CDH13: variants seen among roughly 807,000 people sequenced by gnomAD.
CDH13 encodes the protein cadherin-13.
Under a neutral mutation model 63.8 loss-of-function variants are expected in CDH13, and 24 were observed. The ratio of observed to expected loss-of-function variants is 0.38; its 90% CI spans 0.27 to 0.53. The LOEUF is 0.53. Ranked by LOEUF, CDH13 falls within the 20% of genes least tolerant of loss-of-function variation. The pLI is 0.85. For synonymous variants in CDH13, 503 were observed against 355.3 expected, an observed-to-expected ratio of 1.42 and a Z score of -4.67; for missense variants, 1,049 against 903.1, an observed-to-expected ratio of 1.16 and a Z score of -2.07.
chr16:83,196,229 C>G (rs1321563505), intron 4 of CDH13, among the ~76,000 whole-genome samples: 2 of 151,758 alleles, frequency 1.3e-5, no homozygotes, highest in Non-Finnish European at 2.9e-5. Context: ...GCGCTCCAGC[C>G]TGGGCAACAG....
intron 7 of CDH13, among the ~76,000 whole-genome samples, chr16:83,598,245 G>T (rs1025825560): frequency 2.0e-5 from 3 of 152,076 alleles, no homozygotes; most frequent in African/African-American, 7.2e-5. Context: ...TGTGATTATA[G>T]TCCCAGCTAC....
chr16:83,300,588 G>C (rs1476946437), intron 5 of CDH13, among the ~76,000 whole-genome samples: 3 of 152,222 alleles, frequency 2.0e-5, no homozygotes, highest in Non-Finnish European at 1.5e-5. Flanking sequence ...CACCATGCCA[G>C]GCAGGGTCTG....
At chr16:83,556,219 TA>T (rs1338084006) in intron 7 of CDH13, among the ~76,000 whole-genome samples, 1 of 152,250 alleles carries the variant, frequency 6.6e-6, no homozygotes, top group Non-Finnish European at 1.5e-5. Context: ...CTATCATTTT[TA>T]ATTATTGTTA....
intron 3 of CDH13, among the ~76,000 whole-genome samples, chr16:83,064,668 C>A (rs1179139854): frequency 2.0e-5 from 3 of 151,998 alleles, no homozygotes; most frequent in Non-Finnish European, 2.9e-5. Flanking sequence ...TTCAGACTAG[C>A]CAATTTCTTT....
intron 4 of CDH13, among the ~76,000 whole-genome samples, chr16:83,134,952 A>G (rs572666515): frequency 2.0e-5 from 3 of 152,310 alleles, no homozygotes; most frequent in African/African-American, 7.2e-5. Context: ...AAAGGTTCCT[A>G]GAACTTTATT....
intron 3 of CDH13, among the ~76,000 whole-genome samples, chr16:83,065,148 C>G (rs1295811514): frequency 6.6e-6 from 1 of 152,152 alleles, no homozygotes; most frequent in African/African-American, 2.4e-5. Flanking sequence ...CACTGGCCAC[C>G]TTTGTCTCCT....
At chr16:82,923,993 A>G (rs1485359034) in intron 2 of CDH13, among the ~76,000 whole-genome samples, 2 of 152,240 alleles carry the variant, frequency 1.3e-5, no homozygotes, top group Non-Finnish European at 2.9e-5. Context: ...ACATGTTTGT[A>G]ACAATTGGCT....
At chr16:82,794,035 G>C (rs996998473) in intron 1 of CDH13, among the ~76,000 whole-genome samples, 3 of 152,036 alleles carry the variant, frequency 2.0e-5, no homozygotes, top group African/African-American at 7.2e-5. Flanking sequence ...AGCAGAAAGG[G>C]AACTGGGGTA....
intron 3 of CDH13, among the ~76,000 whole-genome samples, chr16:83,078,217 C>T (rs2032988882): frequency 6.6e-6 from 1 of 152,154 alleles, no homozygotes; most frequent in Non-Finnish European, 1.5e-5. Context: ...CTGGATTTTC[C>T]TCCCTTAATT....
chr16:82,692,455 T>C (rs2150978619), intron 1 of CDH13, among the ~76,000 whole-genome samples: 1 of 152,266 alleles, frequency 6.6e-6, no homozygotes, highest in East Asian at 1.9e-4. Context: ...AGAGAGCATG[T>C]GTAGGGAAAC....
At chr16:82,665,035 C>T (rs929518704) in intron 1 of CDH13, among the ~76,000 whole-genome samples, 6 of 152,184 alleles carry the variant, frequency 3.9e-5, no homozygotes, top group Admixed American at 1.3e-4. Flanking sequence ...TGGTCACTTG[C>T]AGACATATAC....
chr16:83,008,335 G>A (rs988249144), intron 2 of CDH13, among the ~76,000 whole-genome samples: 1 of 152,200 alleles, frequency 6.6e-6, no homozygotes, highest in Non-Finnish European at 1.5e-5. Context: ...GATGCCAGAA[G>A]GAAGTTAGGA....
At chr16:83,522,166 C>G (rs1354013724) in intron 7 of CDH13, among the ~76,000 whole-genome samples, 2 of 152,204 alleles carry the variant, frequency 1.3e-5, no homozygotes, top group Non-Finnish European at 2.9e-5. Context: ...CTGGCTTGCG[C>G]TTTAATGTCA....
chr16:83,192,590 C>A (rs879450539), intron 4 of CDH13, among the ~76,000 whole-genome samples: 25 of 152,186 alleles, frequency 1.6e-4, no homozygotes, highest in Non-Finnish European at 3.5e-4. Context: ...CTAATAGGAT[C>A]TGAGTTTCCG....
chr16:83,686,972 G>A (rs1037870886), intron 10 of CDH13, among the ~76,000 whole-genome samples: 1 of 152,220 alleles, frequency 6.6e-6, no homozygotes, highest in Non-Finnish European at 1.5e-5. Context: ...CACTTCGGGA[G>A]GCCAAGGTGG....
At chr16:83,468,509 C>T (rs2073374242) in intron 6 of CDH13, among the ~76,000 whole-genome samples, 1 of 152,204 alleles carries the variant, frequency 6.6e-6, no homozygotes. Flanking sequence ...GTATTTGTTA[C>T]AGCATCCCCA....
chr16:82,693,795 A>G (rs1025667865), intron 1 of CDH13, among the ~76,000 whole-genome samples: 1 of 152,218 alleles, frequency 6.6e-6, no homozygotes, highest in Non-Finnish European at 1.5e-5. Flanking sequence ...TTTATTTTGC[A>G]TTATTGACCC....
chr16:82,786,300 A>G (rs1597576176), intron 1 of CDH13, among the ~76,000 whole-genome samples: 2 of 152,214 alleles, frequency 1.3e-5, no homozygotes, highest in South Asian at 4.1e-4. Context: ...TCTTAAAACC[A>G]TCATAGATAT....
intron 6 of CDH13, among the ~76,000 whole-genome samples, chr16:83,452,940 A>G (rs1486818550): frequency 6.6e-6 from 1 of 152,218 alleles, no homozygotes; most frequent in Non-Finnish European, 1.5e-5. Flanking sequence ...GGGCTTAAGC[A>G]CAAGTCCCTG....
Sources: allele counts gnomAD v4.1 joint callset (sites outside exome capture counted in the v4.1 genomes callset), GRCh38; gene constraint gnomAD v4.1.1; transcripts MANE v1.5; gene names NCBI Gene and HGNC (gene_info 2026-07-23, HGNC 2026-07-21).